RARRES1: variants seen among roughly 807,000 people sequenced by gnomAD.
RARRES1 encodes retinoic acid receptor responder 1.
Under a neutral mutation model 30.6 loss-of-function variants are expected in RARRES1, and 34 were observed. The observed-to-expected ratio is 1.11, with a 90% CI of 0.84 to 1.48. RARRES1 has a LOEUF of 1.48. RARRES1 is among the 40% of genes most tolerant of loss of function. RARRES1 has a pLI of 0.00. For missense variants in RARRES1, 373 were observed against 386.5 expected, an observed-to-expected ratio of 0.97 and a Z score of 0.29; for synonymous variants, 153 against 155.5, an observed-to-expected ratio of 0.98 and a Z score of 0.12.
intron 1 of RARRES1, among the ~76,000 whole-genome samples, chr3:158,726,582 G>A (rs1576824364): frequency 6.6e-6 from 1 of 152,310 alleles, no homozygotes; most frequent in East Asian, 1.9e-4. Context: ...TGAAGAGCGG[G>A]TACAAACAAA....
intron 4 of RARRES1, among the ~76,000 whole-genome samples, chr3:158,698,568 T>C (rs1487793256): frequency 6.6e-6 from 1 of 152,196 alleles, no homozygotes. Flanking sequence ...AACCAGTGCA[T>C]TGGATATTTT....
intron 1 of RARRES1, among the ~76,000 whole-genome samples, chr3:158,719,687 C>T (rs1245185168): frequency 6.6e-6 from 1 of 152,112 alleles, no homozygotes; most frequent in African/African-American, 2.4e-5. Flanking sequence ...ATATGCCATA[C>T]CATCATGTAC....
chr3:158,717,917 G>C (rs992794677), intron 1 of RARRES1, among the ~76,000 whole-genome samples: 8 of 151,712 alleles, frequency 5.3e-5, no homozygotes. Context: ...CTATCAGAAA[G>C]TAAAAAATAA....
intron 4 of RARRES1, among the ~76,000 whole-genome samples, chr3:158,703,880 A>C (rs553990714): frequency 6.6e-6 from 1 of 152,284 alleles, no homozygotes; most frequent in South Asian, 2.1e-4. Context: ...ACTACAGCCG[A>C]GACCTCTCCC....
intron 1 of RARRES1, among the ~76,000 whole-genome samples, chr3:158,727,677 A>G (rs758526164): frequency 3.9e-5 from 6 of 152,136 alleles, no homozygotes; most frequent in African/African-American, 9.7e-5. Flanking sequence ...ACCATCCAAA[A>G]TCTCCCACCA....
chr3:158,704,611 C>A, intron 4 of RARRES1, 180 bp downstream of exon 4: 1 of 986,454 alleles, frequency 1.0e-6, no homozygotes, highest in Admixed American at 3.4e-5. Flanking sequence ...TGTCTTTGTT[C>A]ACGACTGTAT....
chr3:158,732,010 G>T, intron 1 of RARRES1, 130 bp downstream of exon 1: 1 of 952,958 alleles, frequency 1.0e-6, no homozygotes, highest in Admixed American at 4.3e-5. Context: ...ATCTCCCCGG[G>T]CGTCGTGCGC....
chr3:158,712,069 G>A (rs1392016260), intron 2 of RARRES1, among the ~76,000 whole-genome samples: 1 of 152,174 alleles, frequency 6.6e-6, no homozygotes, highest in Non-Finnish European at 1.5e-5. Flanking sequence ...AGAAGCCAGG[G>A]AACTTATTCC....
chr3:158,710,665 A>C (rs1237772322), intron 3 of RARRES1, 73 bp downstream of exon 3: 2 of 1,406,016 alleles, frequency 1.4e-6, no homozygotes, highest in East Asian at 2.3e-5. Context: ...TAAAAACTTA[A>C]ATGATCTTTC....
At chr3:158,721,909 T>C (rs1727523131) in intron 1 of RARRES1, among the ~76,000 whole-genome samples, 1 of 151,940 alleles carries the variant, frequency 6.6e-6, no homozygotes, top group African/African-American at 2.4e-5. Context: ...CTGACCAACA[T>C]GGAGAAACCC....
Position 158,732,403 on chromosome 3 carries a change from G to C in RARRES1, c.13C>G (p.Arg5Gly), listed in dbSNP as rs978597285. The stretch of plus-strand genomic sequence containing the variant: ...GACCAGGGAGCAGGCAGCCGTTGCC[G>C]GCGGGGCTGCATGGACGCAGGAAAG... MQPRRQRLPAPWSGP... is the reference protein window; with the variant it reads MQPRGQRLPAPWSGP... Residue 5 changes from arginine (R) to glycine (G), a missense_variant, in exon 1 of 6, where the codon CGG becomes GGG. By Grantham distance (125) the Arg-to-Gly change is moderately radical. Transcript: ENST00000237696. The C allele has an allele frequency of 1.3e-6, 2 of 1,510,330 alleles. No homozygotes were observed. Among genetic ancestry groups the C allele is most frequent in the Admixed American group, 2.0e-5 (1 of 49,304 alleles). 93.6% of individuals were successfully genotyped at this position (1,510,330 alleles called of 1,614,324 possible).
intron 1 of RARRES1, among the ~76,000 whole-genome samples, chr3:158,717,418 C>T (rs964130683): frequency 1.3e-5 from 2 of 152,176 alleles, no homozygotes; most frequent in Admixed American, 6.5e-5. Flanking sequence ...GTCTAGGGAT[C>T]AGGGAAGCGA....
At chr3:158,731,830 TC>T (rs1727897266) in intron 1 of RARRES1, among the ~76,000 whole-genome samples, 1 of 152,178 alleles carries the variant, frequency 6.6e-6, no homozygotes, top group Non-Finnish European at 1.5e-5. Context: ...TTCCTCAATT[TC>T]CCAAAGCATC....
chr3:158,730,704 G>A (rs1727855985), intron 1 of RARRES1, among the ~76,000 whole-genome samples: 1 of 151,942 alleles, frequency 6.6e-6, no homozygotes, highest in Non-Finnish European at 1.5e-5. Context: ...TGCCCACCTC[G>A]GCCTCCCAAA....
intron 4 of RARRES1, among the ~76,000 whole-genome samples, chr3:158,699,848 C>G (rs1726668699): frequency 6.6e-6 from 1 of 152,144 alleles, no homozygotes; most frequent in Non-Finnish European, 1.5e-5. Flanking sequence ...TTCCAGTGAT[C>G]AGTCTGGCAT....
chr3:158,701,623 C>T (rs999027728), intron 4 of RARRES1, among the ~76,000 whole-genome samples: 1 of 152,184 alleles, frequency 6.6e-6, no homozygotes, highest in Non-Finnish European at 1.5e-5. Context: ...TCTCTCAGAA[C>T]AGTATTTAGA....
At chr3:158,716,609 AG>A (rs1727330760) in intron 1 of RARRES1, among the ~76,000 whole-genome samples, 1 of 148,956 alleles carries the variant, frequency 6.7e-6, no homozygotes, top group Non-Finnish European at 1.5e-5. Context: ...TTGGAGGCAG[AG>A]TCTTGTTCTG....
At chr3:158,704,627 G>C in intron 4 of RARRES1, 164 bp downstream of exon 4, 1 of 1,128,040 alleles carries the variant, frequency 8.9e-7, no homozygotes, top group Non-Finnish European at 1.2e-6. Flanking sequence ...TGTATCCCCA[G>C]CCCCTGAAAC....
chr3:158,700,296 G>C (rs1004606072), intron 4 of RARRES1, among the ~76,000 whole-genome samples: 1 of 151,576 alleles, frequency 6.6e-6, no homozygotes, highest in African/African-American at 2.4e-5. Context: ...CTTATTCTGC[G>C]TTTGAAAATG....
Sources: allele counts gnomAD v4.1 joint callset (sites outside exome capture counted in the v4.1 genomes callset), GRCh38; gene constraint gnomAD v4.1.1; transcripts MANE v1.5; gene names NCBI Gene and HGNC (gene_info 2026-07-23, HGNC 2026-07-21).